Variants in CLASP2 observed in about 807,000 individuals in gnomAD.
CLASP2 encodes the protein cytoplasmic linker associated protein 2.
In CLASP2, 47 loss-of-function variants were observed where a neutral mutation model predicts 194.4. That is an observed-to-expected ratio of 0.24 (90% confidence interval 0.19 to 0.31). The LOEUF is 0.31. Among genes scored for constraint, CLASP2 ranks in the 10% least tolerant of loss-of-function variants. CLASP2 has a pLI of 1.00. For synonymous variants in CLASP2, 619 were observed against 633.5 expected, an observed-to-expected ratio of 0.98 and a Z score of 0.34; for missense variants, 1,445 against 1,823.6, an observed-to-expected ratio of 0.79 and a Z score of 3.78.
chr3:33,641,851 A>C (rs142948737), intron 8 of CLASP2, among the ~76,000 whole-genome samples: 131 of 151,782 alleles, frequency 8.6e-4, no homozygotes, highest in African/African-American at 3.0e-3. Context: ...TCCACCTACT[A>C]TATCCCTTTA....
At chr3:33,605,934 T>C (rs1314065148) in intron 16 of CLASP2, among the ~76,000 whole-genome samples, 2 of 152,046 alleles carry the variant, frequency 1.3e-5, no homozygotes, top group Admixed American at 6.6e-5. Flanking sequence ...TCTGAGCTGC[T>C]CTTCCCTGGG....
intron 20 of CLASP2, among the ~76,000 whole-genome samples, chr3:33,594,489 T>A (rs1467735740): frequency 6.6e-6 from 1 of 151,830 alleles, no homozygotes; most frequent in East Asian, 1.9e-4. Flanking sequence ...AACTCCCCAG[T>A]TACTGATTCA....
chr3:33,669,321 C>T (rs114154382), intron 6 of CLASP2, among the ~76,000 whole-genome samples: 122 of 152,068 alleles, frequency 8.0e-4, no homozygotes, highest in African/African-American at 2.8e-3. Flanking sequence ...AACGTTAAGA[C>T]AATTACATAC....
chr3:33,612,038 T>C lies in CLASP2; in HGVS notation c.1351A>G (p.Thr451Ala), dbSNP rs774491582. ...THVPRLIPLI[T>A]SNCTSKSVPV... Reference sequence around the variant, plus strand: ...ACTGATTTTGATGTGCAATTGCTTGTTATTAAAGGTATAAGTCTGGGTACA... The same window carrying C: ...ACTGATTTTGATGTGCAATTGCTTGCTATTAAAGGTATAAGTCTGGGTACA... Residue 451 changes from threonine (T) to alanine (A), a missense_variant, in exon 13 of 39, where the codon ACA (threonine) becomes GCA (alanine). Physicochemically the swap from Thr to Ala is moderately conservative, Grantham distance 58. Coordinates refer to ENST00000682230, the MANE Select transcript of CLASP2 (RefSeq NM_001365631.1). The C allele has an allele frequency of 2.5e-6, 4 of 1,610,726 alleles. No homozygotes were observed. Among genetic ancestry groups the C allele is most frequent in the Non-Finnish European group, 8.5e-7 (1 of 1,178,134 alleles).
chr3:33,510,732 C>A lies in CLASP2; in HGVS notation c.4143G>T (p.Val1381=), dbSNP rs369985778. The A allele has an allele frequency of 4.4e-5, 71 of 1,612,484 alleles. No individual in the cohort carries two copies. The South Asian group carries it at 5.0e-4, about 11-fold the overall frequency. Residue 1381 remains valine (V), a synonymous_variant, in exon 37 of 39, where the codon GTG becomes GTT. Coordinates refer to ENST00000682230, the MANE Select transcript of CLASP2 (RefSeq NM_001365631.1). ...GCTCTGGACTAATTGAAGTGGCCAA[C>A]ACTGATGCCGCTTCCTCAGCAGATC... ...VVRSAEEAAS[V]LATSISPEQC...
intron 7 of CLASP2, 159 bp from the exon 8 acceptor site, chr3:33,645,062 A>G (rs779066190): frequency 2.7e-6 from 2 of 731,942 alleles, no homozygotes; most frequent in African/African-American, 3.6e-5. Context: ...TATATTGGCT[A>G]ACACCATATA....
chr3:33,713,177 C>G (rs1015054524), intron 1 of CLASP2, among the ~76,000 whole-genome samples: 3 of 152,022 alleles, frequency 2.0e-5, no homozygotes, highest in East Asian at 1.9e-4. Flanking sequence ...TATTTTACCT[C>G]ATAAATTATG....
intron 11 of CLASP2, among the ~76,000 whole-genome samples, chr3:33,621,659 C>A (rs934737921): frequency 4.6e-5 from 7 of 152,142 alleles, no homozygotes; most frequent in Non-Finnish European, 7.4e-5. Flanking sequence ...TGCAACAACA[C>A]TGCTTAGGTC....
At chr3:33,619,461 T>A (rs2076762808) in intron 12 of CLASP2, 142 bp downstream of exon 12, 6 of 692,416 alleles carry the variant, frequency 8.7e-6, no homozygotes, top group Middle Eastern at 2.6e-4. Flanking sequence ...CAAAAATGAT[T>A]TGCTTTTGGG....
At chr3:33,586,207 T>C (rs1444292892) in intron 21 of CLASP2, among the ~76,000 whole-genome samples, 1 of 151,870 alleles carries the variant, frequency 6.6e-6, no homozygotes, top group African/African-American at 2.4e-5. Flanking sequence ...CGATCTCGGC[T>C]CACTGCAACT....
rs371359714 is a variant in CLASP2, at chr3:33,667,870, A to G, written c.645-4355T>C. Among the ~76,000 whole-genome samples the G allele has an allele frequency of 9.2e-5, 14 of 152,224 alleles. No homozygotes were observed. The East Asian group carries it at 1.2e-3, about 13-fold the overall frequency. ...TGTTATGCTAGTACCATACCACCAG[A>G]ACTTACTTTTTAAAAAATATTTGAT... On this transcript the variant is annotated intron_variant, in intron 6 of 38. Transcript: ENST00000682230.
At chr3:33,601,808 AC>A (rs1426160431) in intron 18 of CLASP2, among the ~76,000 whole-genome samples, 3 of 152,118 alleles carry the variant, frequency 2.0e-5, no homozygotes, top group Non-Finnish European at 4.4e-5. Flanking sequence ...ATTCCTCTTC[AC>A]GGTTCTGAAT....
intron 22 of CLASP2, among the ~76,000 whole-genome samples, chr3:33,583,254 TGA>T (rs1425861089): frequency 2.6e-5 from 4 of 152,192 alleles, no homozygotes; most frequent in African/African-American, 4.8e-5. Flanking sequence ...CTAAAGGATA[TGA>T]GAAGTGCACA....
intron 37 of CLASP2, among the ~76,000 whole-genome samples, chr3:33,508,118 C>G (rs1000642254): frequency 6.6e-6 from 1 of 151,836 alleles, no homozygotes; most frequent in Non-Finnish European, 1.5e-5. Context: ...CCTCAGCCTG[C>G]TGAATAGCTG....
At chr3:33,661,278 T>C (rs1022978988) in intron 7 of CLASP2, among the ~76,000 whole-genome samples, 1 of 152,186 alleles carries the variant, frequency 6.6e-6, no homozygotes, top group Non-Finnish European at 1.5e-5. Context: ...GATTATAGGC[T>C]CCTTAAGGGG....
intron 18 of CLASP2, among the ~76,000 whole-genome samples, chr3:33,599,477 T>C (rs1441011779): frequency 6.6e-6 from 1 of 152,068 alleles, no homozygotes; most frequent in Non-Finnish European, 1.5e-5. Flanking sequence ...AACTTCCAGT[T>C]TGAAGTCTCA....
In CLASP2 at chr3:33,544,830, T is replaced by C. The variant is rs1487848107; in HGVS notation, c.3165A>G (p.Ser1055=). The C allele has an allele frequency of 6.2e-7, 1 of 1,604,678 alleles. No individual in the cohort carries two copies. The highest frequency in any genetic ancestry group is 8.5e-7 in the Non-Finnish European group (1 of 1,176,412). The change falls in exon 31 of 39, where the codon TCA becomes TCG. Residue 1055 remains serine (S), a synonymous_variant. Coordinates refer to ENST00000682230, the MANE Select transcript of CLASP2 (RefSeq NM_001365631.1). ...KSSDVRKAAQ[S]VLISLFELNT... is the part of the protein sequence containing the mutation. ...TGAGTTCAAATAATGAAATCAGCAC[T>C]GACTGTGCTGCCTAAAAAACAAAGG...
At chr3:33,533,046 T>C (rs1474894989) in intron 34 of CLASP2, among the ~76,000 whole-genome samples, 2 of 152,202 alleles carry the variant, frequency 1.3e-5, no homozygotes, top group African/African-American at 4.8e-5. Context: ...AAAAAATACA[T>C]ATTTATAGTA....
At position 33,689,823 on chromosome 3, in the gene CLASP2, G is replaced by A; in HGVS notation, c.378+6C>T. 1 of 1,548,268 alleles carries A rather than the reference G, an allele frequency of 6.5e-7. No individual in the cohort carries two copies. The highest frequency in any genetic ancestry group is 1.4e-5 in the African/African-American group (1 of 72,806). On this transcript the variant is annotated splice_donor_region_variant and intron_variant, in intron 3 of 38. Coordinates refer to ENST00000682230, the MANE Select transcript of CLASP2 (RefSeq NM_001365631.1). Reference sequence around the variant, plus strand: ...GCAAAATCTGAATTTTAAAATGTAGGCTTACCATAGGTGGTGCTACTTGAT... The same window carrying A: ...GCAAAATCTGAATTTTAAAATGTAGACTTACCATAGGTGGTGCTACTTGAT...
Sources: gnomAD v4.1 joint callset for allele counts (sites outside exome capture counted in the v4.1 genomes callset) on GRCh38, gnomAD v4.1.1 for gene constraint, MANE v1.5 for transcripts, NCBI Gene and HGNC (gene_info 2026-07-23, HGNC 2026-07-21) for gene names.